The following ALPK1 variants were observed in gnomAD, a reference collection of about 807,000 sequenced individuals.
The protein encoded by ALPK1 is alpha-protein kinase 1.
ALPK1 carries 110 observed loss-of-function variants against 120.6 expected under a neutral mutation model. The observed-to-expected ratio is 0.91, with a 90% CI of 0.78 to 1.07. ALPK1 has a LOEUF of 1.07. Ranked by LOEUF, ALPK1 falls within the 50% of genes least tolerant of loss-of-function variation. The pLI, the probability that ALPK1 is intolerant of heterozygous loss-of-function variation, is 0.00. For synonymous variants in ALPK1, 582 were observed against 560.3 expected (o/e 1.04, Z -0.55); for missense variants, 1,498 against 1,483.9 (o/e 1.01, Z -0.16).
intron 2 of ALPK1, among the ~76,000 whole-genome samples, chr4:112,336,673 G>T (rs1470092829): frequency 6.6e-6 from 1 of 152,078 alleles, no homozygotes; most frequent in East Asian, 1.9e-4. Flanking sequence ...CTATGGATGG[G>T]CAACAACAGC....
chr4:112,347,046 G>A (rs934553367), intron 2 of ALPK1, among the ~76,000 whole-genome samples: 4 of 152,140 alleles, frequency 2.6e-5, no homozygotes, highest in Non-Finnish European at 5.9e-5. Flanking sequence ...ATTGTAGCTC[G>A]AATAAGGTCA....
intron 11 of ALPK1, 80 bp downstream of exon 11, chr4:112,432,661 A>G (rs1560688520): frequency 7.4e-7 from 1 of 1,356,398 alleles, no homozygotes; most frequent in Non-Finnish European, 1.0e-6. Context: ...TATGTAGATC[A>G]CTTAAAGCTC....
At chr4:112,324,339 A>AT (rs59046993) in intron 2 of ALPK1, among the ~76,000 whole-genome samples, 1 of 145,908 alleles carries the variant, frequency 6.9e-6, no homozygotes, top group East Asian at 2.0e-4. Flanking sequence ...AAAAAAAAAA[A>AT]AGAAAAAAAA....
chr4:112,407,967 C>T (rs1284291443), intron 4 of ALPK1, among the ~76,000 whole-genome samples: 4 of 151,882 alleles, frequency 2.6e-5, no homozygotes, highest in Admixed American at 6.6e-5. Flanking sequence ...ATTAGCCGGG[C>T]GTGGTGGCGT....
chr4:112,310,856 C>T (rs957423242), intron 1 of ALPK1, among the ~76,000 whole-genome samples: 1 of 152,120 alleles, frequency 6.6e-6, no homozygotes, highest in Non-Finnish European at 1.5e-5. Flanking sequence ...GTATATCCTA[C>T]TGTAGCAGAC....
chr4:112,409,091 C>G (rs1050265487), intron 4 of ALPK1, among the ~76,000 whole-genome samples: 1 of 152,130 alleles, frequency 6.6e-6, no homozygotes, highest in Non-Finnish European at 1.5e-5. Flanking sequence ...CCTTCAACAA[C>G]AGGCAAATTC....
intron 7 of ALPK1, 179 bp from the exon 8 acceptor site, chr4:112,426,288 T>C: frequency 2.5e-6 from 1 of 400,556 alleles, no homozygotes; most frequent in Non-Finnish European, 4.4e-6. Flanking sequence ...AATGGAAAAA[T>C]TGTCTATATT....
chr4:112,359,174 G>A, intron 2 of ALPK1: 1 of 630,084 alleles, frequency 1.6e-6, no homozygotes. Context: ...GGCCCCACCT[G>A]TCCCCCAGGC....
chr4:112,364,167 C>T (rs1731035897), intron 2 of ALPK1, among the ~76,000 whole-genome samples: 1 of 151,684 alleles, frequency 6.6e-6, no homozygotes. Flanking sequence ...GAAACTAGAA[C>T]AAAGCAAACA....
At chr4:112,362,420 A>G (rs924239774) in intron 2 of ALPK1, among the ~76,000 whole-genome samples, 6 of 152,346 alleles carry the variant, frequency 3.9e-5, no homozygotes, top group African/African-American at 1.4e-4. Context: ...TCAAGGACAC[A>G]CTTAGAGAAA....
At chr4:112,409,685 G>C (rs1020702102) in intron 4 of ALPK1, among the ~76,000 whole-genome samples, 1 of 152,140 alleles carries the variant, frequency 6.6e-6, no homozygotes, top group Non-Finnish European at 1.5e-5. Flanking sequence ...AGGAAGAAGA[G>C]AAGTCATACA....
At chr4:112,308,830 T>C (rs1728252960) in intron 1 of ALPK1, among the ~76,000 whole-genome samples, 1 of 152,094 alleles carries the variant, frequency 6.6e-6, no homozygotes, top group South Asian at 2.1e-4. Flanking sequence ...CGCTCTGATT[T>C]TTAGAATTTT....
rs1450690697 is a variant in ALPK1 at position 112,411,871 on chromosome 4, G to A, written c.321G>A (p.Ala107=). 6.2e-6 allele frequency: 10 copies of A among 1,613,466 alleles called. No individual in the cohort carries two copies. In the East Asian group the frequency reaches 8.9e-5, roughly 14 times the overall value. Residue 107 remains alanine, a synonymous_variant, in exon 5 of 16, where the codon GCG becomes GCA. Coordinates refer to ENST00000650871, the MANE Select transcript of ALPK1 (RefSeq NM_025144.4). ...ASILARDCAA[A]AAIVFLVDRF... The stretch of plus-strand genomic sequence containing the variant: ...TCCTCGCTCGGGACTGTGCGGCTGC[G>A]GCGGCTATTGTGTTCTTGGTGGACC...
intron 12 of ALPK1, 61 bp downstream of exon 12, chr4:112,435,362 A>G: frequency 6.6e-7 from 1 of 1,516,210 alleles, no homozygotes; most frequent in Non-Finnish European, 8.9e-7. Flanking sequence ...TCTTCTGTTA[A>G]GTAATCACTC....
At chr4:112,354,089 T>C (rs897049336) in intron 2 of ALPK1, among the ~76,000 whole-genome samples, 1 of 152,210 alleles carries the variant, frequency 6.6e-6, no homozygotes, top group Non-Finnish European at 1.5e-5. Context: ...AAATTCTTTA[T>C]ATATTCAGGG....
chr4:112,310,959 A>T (rs1488997449), intron 1 of ALPK1, among the ~76,000 whole-genome samples: 2 of 151,248 alleles, frequency 1.3e-5, no homozygotes, highest in African/African-American at 2.5e-5. Flanking sequence ...GACTTTAAAG[A>T]CTTTAGCAAA....
intron 2 of ALPK1, chr4:112,357,696 C>T (rs1355448095): frequency 2.5e-5 from 40 of 1,584,068 alleles, no homozygotes; most frequent in Non-Finnish European, 3.4e-5. Flanking sequence ...CCCAGTTGAG[C>T]TCCGCGTTTG....
At chr4:112,417,952 C>T (rs1308132227) in intron 5 of ALPK1, among the ~76,000 whole-genome samples, 2 of 152,020 alleles carry the variant, frequency 1.3e-5, no homozygotes, top group African/African-American at 4.8e-5. Context: ...GTGACAGAAA[C>T]CACACAGTAA....
chr4:112,378,006 A>C, intron 3 of ALPK1, 108 bp downstream of exon 3: 1 of 1,150,006 alleles, frequency 8.7e-7, no homozygotes, highest in Non-Finnish European at 1.1e-6. Flanking sequence ...CTCTTGGCAG[A>C]TGACCACCGA....
Sources: gnomAD v4.1 joint callset for allele counts (sites outside exome capture counted in the v4.1 genomes callset) on GRCh38, gnomAD v4.1.1 for gene constraint, MANE v1.5 for transcripts, NCBI Gene and HGNC (gene_info 2026-07-23, HGNC 2026-07-21) for gene names.